Variants in SERPINI2 observed in about 807,000 individuals in gnomAD.
The protein encoded by SERPINI2 is serpin family I member 2, also known as serpin I2.
Under a neutral mutation model 47.3 loss-of-function variants are expected in SERPINI2, and 48 were observed. That is an observed-to-expected ratio of 1.02 (90% CI 0.81 to 1.29). The LOEUF (loss-of-function observed/expected upper bound fraction) is 1.29. SERPINI2 is among the 50% of genes most tolerant of loss of function. SERPINI2 has a pLI of 0.00. For missense variants in SERPINI2, 448 were observed against 456.9 expected (o/e 0.98, Z 0.18); for synonymous variants, 135 against 149.3 (o/e 0.90, Z 0.70).
At chr3:167,454,794 G>A (rs1221944182) in intron 5 of SERPINI2, among the ~76,000 whole-genome samples, 1 of 152,116 alleles carries the variant, frequency 6.6e-6, no homozygotes, top group African/African-American at 2.4e-5. Context: ...AATTATTGGA[G>A]CCATGAATAG....
intron 5 of SERPINI2, among the ~76,000 whole-genome samples, chr3:167,464,451 G>A (rs781246736): frequency 6.6e-6 from 1 of 151,812 alleles, no homozygotes; most frequent in Non-Finnish European, 1.5e-5. Flanking sequence ...TGGCTGAGTG[G>A]AAAAGGAAGT....
intron 2 of SERPINI2, among the ~76,000 whole-genome samples, chr3:167,471,237 T>C (rs548318411): frequency 6.6e-6 from 1 of 152,100 alleles, no homozygotes; most frequent in Non-Finnish European, 1.5e-5. Context: ...GAAGAATATG[T>C]ATGTGTATAG....
intron 2 of SERPINI2, among the ~76,000 whole-genome samples, chr3:167,470,367 G>C (rs1337913917): frequency 6.6e-6 from 1 of 151,938 alleles, no homozygotes. Flanking sequence ...TTTCAGGAAA[G>C]CAAATTTCTA....
intron 5 of SERPINI2, among the ~76,000 whole-genome samples, chr3:167,454,409 A>G (rs1749730817): frequency 2.0e-5 from 3 of 152,198 alleles, no homozygotes; most frequent in Admixed American, 2.0e-4. Flanking sequence ...AGCTCATTCT[A>G]TGCCAACTGC....
chr3:167,461,923 G>T (rs949982193), intron 5 of SERPINI2, among the ~76,000 whole-genome samples: 1 of 151,882 alleles, frequency 6.6e-6, no homozygotes, highest in Non-Finnish European at 1.5e-5. Context: ...GGCAACTATA[G>T]ATTCTTGTCA....
At chr3:167,449,502 A>C in intron 6 of SERPINI2, 100 bp from the exon 7 acceptor site, 1 of 577,752 alleles carries the variant, frequency 1.7e-6, no homozygotes, top group Non-Finnish European at 2.7e-6. Flanking sequence ...TTATTTATTT[A>C]TTTATTTTTT....
chr3:167,459,576 C>A (rs1213059644), intron 5 of SERPINI2, among the ~76,000 whole-genome samples: 1 of 151,330 alleles, frequency 6.6e-6, no homozygotes, highest in African/African-American at 2.4e-5. Flanking sequence ...TAGATATACA[C>A]AAAAGAGGGA....
At chr3:167,459,386 T>C (rs533749651) in intron 5 of SERPINI2, among the ~76,000 whole-genome samples, 21 of 152,238 alleles carry the variant, frequency 1.4e-4, no homozygotes, top group Admixed American at 1.3e-3. Context: ...AAAGGAAGTT[T>C]TATTACTAAA....
intron 8 of SERPINI2, among the ~76,000 whole-genome samples, chr3:167,442,433 C>T (rs1029955701): frequency 6.6e-6 from 1 of 152,038 alleles, no homozygotes; most frequent in Non-Finnish European, 1.5e-5. Flanking sequence ...AGCATTAATC[C>T]TGTTTTTCAT....
exon 2 of SERPINI2, chr3:167,471,699 T>C: frequency 6.2e-7 from 1 of 1,613,646 alleles, no homozygotes; most frequent in African/African-American, 1.3e-5. Flanking sequence ...GGTGAAAATA[T>C]AATGTTGTCC....
intron 2 of SERPINI2, among the ~76,000 whole-genome samples, chr3:167,471,243 T>C (rs1750308241): frequency 6.6e-6 from 1 of 152,070 alleles, no homozygotes; most frequent in Admixed American, 6.6e-5. Flanking sequence ...TATGTATGTG[T>C]ATAGATGTAT....
chr3:167,471,792 C>CA lies in SERPINI2; in HGVS notation c.42dup (p.Gly15TrpfsTer28). On this transcript the variant is annotated frameshift_variant, in exon 2 of 9. Transcript: ENST00000264677. LOFTEE classifies it high-confidence loss of function. ...GCTGAGCATCTTGAGGCTTGACTTC[C>CA]AAAAAACAGCAATAGAAGACTCCAC... 2 of 1,612,190 alleles carry CA rather than the reference C, an allele frequency of 1.2e-6. No homozygotes were observed. The highest frequency in any genetic ancestry group is 2.2e-5 in the East Asian group (1 of 44,828).
At chr3:167,449,372 G>T (rs201666797) in exon 7 of SERPINI2, 6 of 1,611,618 alleles carry the variant, frequency 3.7e-6, no homozygotes, top group Admixed American at 3.3e-5. Context: ...AACTTTTTGC[G>T]TCACTTGGGA....
intron 5 of SERPINI2, among the ~76,000 whole-genome samples, chr3:167,455,464 A>C (rs1749758616): frequency 6.6e-6 from 1 of 152,104 alleles, no homozygotes; most frequent in Non-Finnish European, 1.5e-5. Flanking sequence ...TGTTTAATGA[A>C]AAAAAGTCTT....
intron 5 of SERPINI2, among the ~76,000 whole-genome samples, chr3:167,461,901 T>A (rs944046766): frequency 1.9e-5 from 2 of 103,622 alleles, no homozygotes; most frequent in Non-Finnish European, 3.9e-5. Flanking sequence ...ATTACAGGCA[T>A]AAGCCACATC....
chr3:167,446,454 A>G, exon 8 of SERPINI2: 1 of 1,609,216 alleles, frequency 6.2e-7, no homozygotes, highest in Non-Finnish European at 8.5e-7. Flanking sequence ...GCTTTGAGCC[A>G]GACTCATGAT....
chr3:167,465,864 A>G (rs1750119878), intron 3 of SERPINI2, among the ~76,000 whole-genome samples, 191 bp from the exon 4 acceptor site: 1 of 152,162 alleles, frequency 6.6e-6, no homozygotes, highest in African/African-American at 2.4e-5. Flanking sequence ...ACAGGTGCAA[A>G]TGGAATTTCA....
At chr3:167,465,340 A>C in exon 5 of SERPINI2, 4 of 1,612,714 alleles carry the variant, frequency 2.5e-6, no homozygotes, top group Non-Finnish European at 3.4e-6. Flanking sequence ...AGCTAAATTC[A>C]TCACCTTTGT....
At chr3:167,449,335 A>G (rs561358665) in exon 7 of SERPINI2, 2 of 1,612,748 alleles carry the variant, frequency 1.2e-6, no homozygotes, top group African/African-American at 2.7e-5. Context: ...TTGCAGCTTC[A>G]CTACCATCTT....
Sources: gnomAD v4.1 joint callset for allele counts (sites outside exome capture counted in the v4.1 genomes callset) on GRCh38, gnomAD v4.1.1 for gene constraint, MANE v1.5 for transcripts, NCBI Gene and HGNC (gene_info 2026-07-23, HGNC 2026-07-21) for gene names.